Variants in CTNNA3 observed in about 807,000 individuals in gnomAD.
CTNNA3 encodes the protein catenin alpha-3.
A neutral mutation model predicts 95.7 loss-of-function variants in CTNNA3; 76 were observed. The ratio of observed to expected loss-of-function variants is 0.79; its 90% CI spans 0.66 to 0.96. The LOEUF is 0.96. Among genes scored for constraint, CTNNA3 ranks in the 40% least tolerant of loss-of-function variants. The probability of loss-of-function intolerance (pLI) is 0.00; values close to 1 mark genes in which losing one functional copy is unlikely to be tolerated. For missense variants in CTNNA3, 1,191 were observed against 1,089.8 expected (o/e 1.09, Z -1.31); for synonymous variants, 431 against 374.4 (o/e 1.15, Z -1.74).
At chr10:67,375,192 GT>G (rs1376725720) in intron 5 of CTNNA3, among the ~76,000 whole-genome samples, 1 of 152,212 alleles carries the variant, frequency 6.6e-6, no homozygotes, top group Non-Finnish European at 1.5e-5. Context: ...CATGTGACAA[GT>G]TTTTAATGGT....
intron 12 of CTNNA3, among the ~76,000 whole-genome samples, chr10:66,346,238 TATATATATAGAGAGAGAGAGAGAGAG>T (rs1297779986): frequency 2.5e-3 from 41 of 16,168 alleles, no homozygotes; most frequent in South Asian, 6.3e-3. Context: ...TATATATATA[TATATATATAGAGAGAGAGAGAGAGAG>T]AGAGAGAGAG....
At chr10:65,976,625 T>C (rs1295733904) in intron 16 of CTNNA3, among the ~76,000 whole-genome samples, 5 of 152,192 alleles carry the variant, frequency 3.3e-5, no homozygotes, top group Non-Finnish European at 5.9e-5. Flanking sequence ...GGTAAATTCT[T>C]ATACTTATAA....
intron 7 of CTNNA3, among the ~76,000 whole-genome samples, chr10:67,112,880 T>TTA (rs1484064039): frequency 4.3e-4 from 65 of 151,262 alleles, no homozygotes; most frequent in African/African-American, 1.6e-3. Context: ...TATCATTTTT[T>TTA]AAAAAAAAAC....
chr10:67,049,254 T>C (rs1007314509), intron 7 of CTNNA3, among the ~76,000 whole-genome samples: 1 of 152,094 alleles, frequency 6.6e-6, no homozygotes, highest in African/African-American at 2.4e-5. Context: ...ATGTAGACCG[T>C]GCCTGATAAG....
intron 7 of CTNNA3, among the ~76,000 whole-genome samples, chr10:66,949,979 C>T (rs979937330): frequency 6.6e-6 from 1 of 152,114 alleles, no homozygotes; most frequent in Admixed American, 6.6e-5. Flanking sequence ...CTAACATCTC[C>T]CCATGACTTA....
intron 15 of CTNNA3, among the ~76,000 whole-genome samples, chr10:66,056,420 A>C (rs537516577): frequency 2.0e-5 from 3 of 152,124 alleles, no homozygotes; most frequent in South Asian, 4.1e-4. Context: ...ATGTGTTGTG[A>C]ATTCTGTTTG....
chr10:66,173,479 GT>G (rs2085536709), intron 13 of CTNNA3, among the ~76,000 whole-genome samples: 1 of 151,950 alleles, frequency 6.6e-6, no homozygotes, highest in Non-Finnish European at 1.5e-5. Flanking sequence ...GAACCCAGGA[GT>G]TTGAGACCAG....
intron 2 of CTNNA3, among the ~76,000 whole-genome samples, chr10:67,613,191 C>T (rs902086562): frequency 7.2e-5 from 11 of 152,228 alleles, no homozygotes; most frequent in Middle Eastern, 6.8e-3. Flanking sequence ...TGACTCCCTC[C>T]CCTCACAGCT....
At chr10:66,716,317 C>T (rs892478759) in intron 9 of CTNNA3, among the ~76,000 whole-genome samples, 3 of 152,214 alleles carry the variant, frequency 2.0e-5, no homozygotes, top group East Asian at 1.9e-4. Flanking sequence ...TGATTTGGTG[C>T]GTTCATTCCA....
rs979876543 is a variant in CTNNA3, at chr10:67,446,870, C to T, written c.579+74972G>A. The stretch of plus-strand genomic sequence containing the variant: ...GCTGTAATCCCAGCACTTTGGGAGA[C>T]CAAGGAGGGTGGATGATGAGGTCAG... On this transcript the variant is annotated intron_variant, in intron 5 of 17. Coordinates refer to ENST00000433211, the MANE Select transcript of CTNNA3 (RefSeq NM_013266.4). Among the ~76,000 whole-genome samples the T allele has an allele frequency of 3.9e-5, 6 of 152,046 alleles. No homozygotes were observed. In the East Asian group the frequency reaches 1.2e-3, roughly 29 times the overall value.
At chr10:66,843,099 A>G (rs1717444239) in intron 7 of CTNNA3, among the ~76,000 whole-genome samples, 1 of 152,172 alleles carries the variant, frequency 6.6e-6, no homozygotes, top group Admixed American at 6.5e-5. Context: ...CTGTGTAAGC[A>G]AAAGGACGTG....
At chr10:66,664,539 C>G (rs1036635005) in intron 9 of CTNNA3, among the ~76,000 whole-genome samples, 3 of 151,972 alleles carry the variant, frequency 2.0e-5, no homozygotes, top group Admixed American at 1.3e-4. Context: ...CCTTGTCAGG[C>G]CCTTTGGGAA....
At chr10:66,697,789 C>G (rs1589139496) in intron 9 of CTNNA3, among the ~76,000 whole-genome samples, 1 of 152,064 alleles carries the variant, frequency 6.6e-6, no homozygotes, top group Admixed American at 6.6e-5. Context: ...GAATGAGTAT[C>G]GTGAGCAATA....
At chr10:66,482,944 A>G (rs1455956766) in intron 11 of CTNNA3, among the ~76,000 whole-genome samples, 2 of 152,194 alleles carry the variant, frequency 1.3e-5, no homozygotes, top group Admixed American at 6.5e-5. Flanking sequence ...TGGAAATCCC[A>G]GGAAAGCTAA....
intron 5 of CTNNA3, among the ~76,000 whole-genome samples, chr10:67,478,336 G>T (rs1848095049): frequency 6.6e-6 from 1 of 152,018 alleles, no homozygotes; most frequent in African/African-American, 2.4e-5. Context: ...ATAGTCCGGT[G>T]ACTACTCAAG....
chr10:66,817,085 T>C (rs555694844), intron 7 of CTNNA3, among the ~76,000 whole-genome samples: 3 of 152,134 alleles, frequency 2.0e-5, no homozygotes, highest in East Asian at 3.9e-4. Context: ...AGATCTCATA[T>C]CAATAACAGA....
At chr10:67,146,539 A>C (rs1463250120) in intron 7 of CTNNA3, among the ~76,000 whole-genome samples, 3 of 152,184 alleles carry the variant, frequency 2.0e-5, no homozygotes, top group Non-Finnish European at 4.4e-5. Flanking sequence ...GAATAAATGA[A>C]ATTGTTCAAA....
At chr10:66,080,951 G>T (rs1440615574) in intron 14 of CTNNA3, among the ~76,000 whole-genome samples, 2 of 152,126 alleles carry the variant, frequency 1.3e-5, no homozygotes, top group African/African-American at 2.4e-5. Context: ...TGTTAAATTG[G>T]CAAGAAACTG....
intron 12 of CTNNA3, among the ~76,000 whole-genome samples, chr10:66,358,987 T>A (rs1006149072): frequency 6.6e-6 from 1 of 152,190 alleles, no homozygotes; most frequent in African/African-American, 2.4e-5. Context: ...TCCCACTATT[T>A]AATATATCCT....
Sources: allele counts gnomAD v4.1 joint callset (sites outside exome capture counted in the v4.1 genomes callset), GRCh38; gene constraint gnomAD v4.1.1; transcripts MANE v1.5; gene names NCBI Gene and HGNC (gene_info 2026-07-23, HGNC 2026-07-21).